ACYP2: variants seen among roughly 807,000 people sequenced by gnomAD.
The protein encoded by ACYP2 is acylphosphatase 2.
In ACYP2, 12 loss-of-function variants were observed where a neutral mutation model predicts 11.2. That is an observed-to-expected ratio of 1.08 (90% CI 0.69 to 1.74). ACYP2 has a LOEUF of 1.74. ACYP2 is among the 40% of genes most tolerant of loss of function. ACYP2 has a pLI of 0.00. For missense variants in ACYP2, 134 were observed against 101.9 expected, an observed-to-expected ratio of 1.31 and a Z score of -1.35; for synonymous variants, 43 against 32.2, an observed-to-expected ratio of 1.33 and a Z score of -1.13.
intron 6 of ACYP2, among the ~76,000 whole-genome samples, chr2:54,237,014 T>C (rs1168682461): frequency 6.6e-6 from 1 of 152,230 alleles, no homozygotes; most frequent in African/African-American, 2.4e-5. Context: ...TACAGACTTT[T>C]TGTCTTGTCA....
chr2:53,997,795 G>A (rs1016780415), intron 2 of ACYP2, among the ~76,000 whole-genome samples: 2 of 152,092 alleles, frequency 1.3e-5, no homozygotes, highest in African/African-American at 4.8e-5. Context: ...ATAAAATAAA[G>A]TGAGTTAAAA....
intron 2 of ACYP2, among the ~76,000 whole-genome samples, chr2:53,988,024 G>A (rs1392558376): frequency 3.3e-5 from 5 of 152,114 alleles, no homozygotes; most frequent in Non-Finnish European, 7.3e-5. Flanking sequence ...ATGAGGTCCA[G>A]TTTATCAGTT....
At chr2:54,273,710 C>T (rs1688418343) in intron 6 of ACYP2, among the ~76,000 whole-genome samples, 1 of 152,170 alleles carries the variant, frequency 6.6e-6, no homozygotes, top group South Asian at 2.1e-4. Context: ...AGGTGATTCA[C>T]CTGCCTCGAC....
intron 3 of ACYP2, chr2:54,051,682 G>A: frequency 1.5e-6 from 1 of 668,174 alleles, no homozygotes; most frequent in Non-Finnish European, 2.7e-6. Flanking sequence ...GGATATTGCT[G>A]CATATTGAGC....
chr2:54,178,804 A>C lies in ACYP2; in HGVS notation c.404+40056A>C, dbSNP rs1379867438. Among the ~76,000 whole-genome samples, 3 of 152,234 alleles carry C rather than the reference A, an allele frequency of 2.0e-5. No individual in the cohort carries two copies. In the East Asian group the frequency reaches 5.8e-4, roughly 29 times the overall value. On this transcript the variant is annotated intron_variant, in intron 6 of 6. Coordinates refer to ENST00000607452, the MANE Select transcript of ACYP2 (RefSeq NM_001320586.2). ...AGTAGGGTTTTAAGGAAAGAGAGTAAGATTGGAACAAAGTAACCATGAACT... is the reference window on the plus strand; with the variant it reads ...AGTAGGGTTTTAAGGAAAGAGAGTACGATTGGAACAAAGTAACCATGAACT...
chr2:54,275,225 T>G (rs2104096474), intron 6 of ACYP2, among the ~76,000 whole-genome samples: 1 of 152,346 alleles, frequency 6.6e-6, no homozygotes, highest in African/African-American at 2.4e-5. Flanking sequence ...ATGTAAACCC[T>G]TAAATTGTAT....
chr2:54,274,025 G>T (rs1206142255), intron 6 of ACYP2, among the ~76,000 whole-genome samples: 1 of 152,136 alleles, frequency 6.6e-6, no homozygotes, highest in East Asian at 1.9e-4. Flanking sequence ...TATGCCTGTT[G>T]TATTAGTCTG....
chr2:54,132,451 T>C (rs1479631054), intron 4 of ACYP2, among the ~76,000 whole-genome samples: 1 of 152,208 alleles, frequency 6.6e-6, no homozygotes, highest in African/African-American at 2.4e-5. Flanking sequence ...CCTGTCTTCA[T>C]TGCTTTGCTG....
chr2:54,280,061 A>G (rs1350377095), intron 6 of ACYP2, among the ~76,000 whole-genome samples: 1 of 152,196 alleles, frequency 6.6e-6, no homozygotes. Context: ...AGACCCAACA[A>G]TAGGAGATAT....
At chr2:54,242,913 C>T (rs779426675) in intron 6 of ACYP2, among the ~76,000 whole-genome samples, 2 of 152,146 alleles carry the variant, frequency 1.3e-5, no homozygotes, top group Non-Finnish European at 2.9e-5. Context: ...GATGCATGAC[C>T]GTATGTATTA....
At chr2:54,200,361 T>C (rs1225584097) in intron 6 of ACYP2, among the ~76,000 whole-genome samples, 1 of 152,154 alleles carries the variant, frequency 6.6e-6, no homozygotes, top group East Asian at 1.9e-4. Flanking sequence ...AATGAGATTA[T>C]AGAGGAAATC....
At chr2:54,266,429 A>G (rs1486012346) in intron 6 of ACYP2, among the ~76,000 whole-genome samples, 1 of 151,954 alleles carries the variant, frequency 6.6e-6, no homozygotes, top group Non-Finnish European at 1.5e-5. Context: ...TTTTTCCAAC[A>G]ATTTTGTTTT....
intron 4 of ACYP2, among the ~76,000 whole-genome samples, chr2:54,095,115 C>T (rs1028080160): frequency 6.6e-6 from 1 of 151,776 alleles, no homozygotes; most frequent in African/African-American, 2.4e-5. Context: ...CTTCAAGCAT[C>T]TGTTTAACAA....
At chr2:54,091,614 CA>C (rs1678238540) in intron 4 of ACYP2, among the ~76,000 whole-genome samples, 2 of 151,932 alleles carry the variant, frequency 1.3e-5, no homozygotes, top group African/African-American at 2.4e-5. Flanking sequence ...TGGGTTCAAA[CA>C]ATTTTTCTGC....
At chr2:53,983,407 G>A (rs1362423032) in intron 2 of ACYP2, among the ~76,000 whole-genome samples, 2 of 152,148 alleles carry the variant, frequency 1.3e-5, no homozygotes, top group Admixed American at 1.3e-4. Context: ...TTGGGAGGCT[G>A]AGGTGGAAGA....
chr2:54,276,619 T>TCACACACACACACACACACACAAACACA (rs1553405197), intron 6 of ACYP2, among the ~76,000 whole-genome samples: 2 of 146,108 alleles, frequency 1.4e-5, no homozygotes, highest in African/African-American at 5.0e-5. Context: ...GATTGTTCTT[T>TCACACACACACACACACACACAAACACA]CACACACACA....
At chr2:54,044,349 C>G (rs921100600) in intron 2 of ACYP2, among the ~76,000 whole-genome samples, 1 of 151,940 alleles carries the variant, frequency 6.6e-6, no homozygotes, top group Non-Finnish European at 1.5e-5. Flanking sequence ...AATCCCAGCA[C>G]TTTGGGAGGC....
At chr2:54,187,168 CAGGT>C (rs1225666744) in intron 6 of ACYP2, among the ~76,000 whole-genome samples, 1 of 152,092 alleles carries the variant, frequency 6.6e-6, no homozygotes, top group Non-Finnish European at 1.5e-5. Flanking sequence ...CAATCTGGGG[CAGGT>C]AGCTTCCCCC....
intron 2 of ACYP2, among the ~76,000 whole-genome samples, chr2:53,991,853 A>C (rs1672313617): frequency 6.6e-6 from 1 of 151,962 alleles, no homozygotes; most frequent in African/African-American, 2.4e-5. Context: ...TGTAGTGGCT[A>C]TTCACAAGTG....
Sources: gnomAD v4.1 joint callset for allele counts (sites outside exome capture counted in the v4.1 genomes callset) on GRCh38, gnomAD v4.1.1 for gene constraint, MANE v1.5 for transcripts, NCBI Gene and HGNC (gene_info 2026-07-23, HGNC 2026-07-21) for gene names.